Variants in HIGD2A observed in about 807,000 individuals in gnomAD.
HIGD2A encodes HIG1 hypoxia inducible domain family member 2A.
Under a neutral mutation model 6.3 loss-of-function variants are expected in HIGD2A, and 4 were observed. That is an observed-to-expected ratio of 0.64 (90% CI 0.31 to 1.46). HIGD2A has a LOEUF of 1.46. Among genes scored for constraint, HIGD2A ranks in the 40% most tolerant of loss-of-function variants. HIGD2A has a pLI of 0.07. For synonymous variants in HIGD2A, 63 were observed against 59.3 expected, an observed-to-expected ratio of 1.06 and a Z score of -0.29; for missense variants, 143 against 144.8, an observed-to-expected ratio of 0.99 and a Z score of 0.06.
In HIGD2A at chr5:176,389,321, C is replaced by T; in HGVS notation, c.155-10C>T. 1.2e-6 allele frequency: 2 copies of T among 1,610,430 alleles called. No homozygotes were observed. On this transcript the variant is annotated splice_polypyrimidine_tract_variant and intron_variant, in intron 1 of 1. Coordinates refer to ENST00000274787, the MANE Select transcript of HIGD2A (RefSeq NM_138820.4). ...CCTGCTGTTTCCCAGTTGCTTTGTC[C>T]CCTCCTCAGGTTGCCTGGCCACGGC... is the stretch of plus-strand genomic sequence containing the variant.
Position 176,388,785 on chromosome 5 carries a change from G to C in HIGD2A, c.-35G>C. On this transcript the variant is annotated 5_prime_UTR_variant, in exon 1 of 2. Coordinates refer to ENST00000274787, the MANE Select transcript of HIGD2A (RefSeq NM_138820.4). The stretch of plus-strand genomic sequence containing the variant: ...GACCTTCACCGGGAGGCTGAGGTCG[G>C]AGTCCCGATTTTCTCCTGCTGCTGT... 1 of 1,603,312 alleles carries C rather than the reference G, an allele frequency of 6.2e-7. No individual in the cohort carries two copies. Among genetic ancestry groups the C allele is most frequent in the Non-Finnish European group, 8.5e-7 (1 of 1,175,038 alleles).
Position 176,388,779 on chromosome 5 carries a change from A to T in HIGD2A, c.-41A>T, listed in dbSNP as rs200035572. On this transcript the variant is annotated 5_prime_UTR_variant, in exon 1 of 2. Transcript: ENST00000274787. ...TTTCATGACCTTCACCGGGAGGCTG[A>T]GGTCGGAGTCCCGATTTTCTCCTGC... 1.7e-4 allele frequency: 265 copies of T among 1,600,140 alleles called. 2 individuals are homozygous for T. In the African/African-American group the frequency reaches 3.2e-3, roughly 19 times the overall value.
chr5:176,388,783 C>G lies in HIGD2A; in HGVS notation c.-37C>G, dbSNP rs765010863. ...ATGACCTTCACCGGGAGGCTGAGGTCGGAGTCCCGATTTTCTCCTGCTGCT... is the reference window on the plus strand; with the variant it reads ...ATGACCTTCACCGGGAGGCTGAGGTGGGAGTCCCGATTTTCTCCTGCTGCT... On this transcript the variant is annotated 5_prime_UTR_variant, in exon 1 of 2. Coordinates refer to ENST00000274787, the MANE Select transcript of HIGD2A (RefSeq NM_138820.4). 1.9e-6 allele frequency: 3 copies of G among 1,602,274 alleles called. No individual in the cohort carries two copies. Among genetic ancestry groups the G allele is most frequent in the African/African-American group, 2.7e-5 (2 of 74,214 alleles).
At chr5:176,389,187 A>G (rs1188758414) in intron 1 of HIGD2A, 144 bp from the exon 2 acceptor site, 2 of 1,105,358 alleles carry the variant, frequency 1.8e-6, no homozygotes, top group Non-Finnish European at 2.6e-6. Flanking sequence ...CTCTGTAACT[A>G]GGAAGACCTC....
In HIGD2A at chr5:176,388,900, T is replaced by C. The variant is rs769320805; in HGVS notation, c.81T>C (p.Thr27=). 2.5e-6 allele frequency: 4 copies of C among 1,614,148 alleles called. No homozygotes were observed. In the Admixed American group the frequency reaches 6.7e-5, roughly 27 times the overall value. ...KPPVIEGLSP[T]VYRNPESFKE... is the part of the protein sequence containing the mutation. ...CAGTCATTGAGGGGCTGAGCCCCAC[T>C]GTTTACAGGAATCCAGAGAGTTTCA... is the stretch of plus-strand genomic sequence containing the variant. Residue 27 remains threonine (T), a synonymous_variant, in exon 1 of 2, where the codon ACT becomes ACC. Coordinates refer to ENST00000274787, the MANE Select transcript of HIGD2A (RefSeq NM_138820.4).
At position 176,388,807 on chromosome 5, in the gene HIGD2A, C is replaced by CT. The variant is rs1561786348; in HGVS notation, c.-12dup. 6.2e-7 allele frequency: 1 copy of CT among 1,611,328 alleles called. No homozygotes were observed. On this transcript the variant is annotated 5_prime_UTR_variant, in exon 1 of 2. Coordinates refer to ENST00000274787, the MANE Select transcript of HIGD2A (RefSeq NM_138820.4). ...TCGGAGTCCCGATTTTCTCCTGCTG[C>CT]TGTGGCCCGGACATGGCGACTCCCG... is the stretch of plus-strand genomic sequence containing the variant.
Position 176,389,362 on chromosome 5 carries a change from C to CG in HIGD2A, c.188dup (p.Leu64ProfsTer77), listed in dbSNP as rs746966982. ...TGGCCACGGCGGCCGCCCTCACCTA[C>CG]GGCCTCTACTCCTTCCACCGGGGCA... On this transcript the variant is annotated frameshift_variant, in exon 2 of 2. Transcript: ENST00000274787. LOFTEE classifies it high-confidence loss of function. The CG allele has an allele frequency of 1.2e-6, 2 of 1,613,848 alleles. No individual in the cohort carries two copies. Among genetic ancestry groups the CG allele is most frequent in the African/African-American group, 2.7e-5 (2 of 74,918 alleles).
rs1440718808 is a variant in HIGD2A, at chr5:176,388,768, C to G, written c.-52C>G. 7 of 1,593,202 alleles carry G rather than the reference C, an allele frequency of 4.4e-6. No homozygotes were observed. The African/African-American group carries it at 8.1e-5, about 18-fold the overall frequency. ...TTCCCCGCCCCTTTCATGACCTTCA[C>G]CGGGAGGCTGAGGTCGGAGTCCCGA... On this transcript the variant is annotated 5_prime_UTR_variant, in exon 1 of 2. Coordinates refer to ENST00000274787, the MANE Select transcript of HIGD2A (RefSeq NM_138820.4).
Position 176,389,609 on chromosome 5 carries a change from C to A in HIGD2A, c.*112C>A. 8.5e-7 allele frequency: 1 copy of A among 1,171,676 alleles called. No homozygotes were observed. Among genetic ancestry groups the A allele is most frequent in the South Asian group, 1.6e-5 (1 of 62,132 alleles). The allele number at this position is 1,171,676 out of a possible 1,614,324, so 72.6% of individuals were successfully genotyped here. On this transcript the variant is annotated 3_prime_UTR_variant, in exon 2 of 2. Coordinates refer to ENST00000274787, the MANE Select transcript of HIGD2A (RefSeq NM_138820.4). ...CCTCTCCTTTGAGAGGCCCATGTGTCGCTGGGGAGGAAGTGACCCTTTGTG... is the reference window on the plus strand; with the variant it reads ...CCTCTCCTTTGAGAGGCCCATGTGTAGCTGGGGAGGAAGTGACCCTTTGTG...
Position 176,389,613 on chromosome 5 carries a change from G to T in HIGD2A, c.*116G>T, listed in dbSNP as rs1274249316. 3 of 1,143,316 alleles carry T rather than the reference G, an allele frequency of 2.6e-6. No individual in the cohort carries two copies. Among genetic ancestry groups the T allele is most frequent in the Admixed American group, 5.8e-5 (2 of 34,624 alleles). The allele number at this position is 1,143,316 out of a possible 1,614,324, so 70.8% of individuals were successfully genotyped here. A position where few individuals can be genotyped will look rare whatever the true frequency, so the allele number is the denominator to read the frequency against. On this transcript the variant is annotated 3_prime_UTR_variant, in exon 2 of 2. Transcript: ENST00000274787. ...TCCTTTGAGAGGCCCATGTGTCGCT[G>T]GGGAGGAAGTGACCCTTTGTGTAAC... is the stretch of plus-strand genomic sequence containing the variant.
Position 176,389,639 on chromosome 5 carries a change from T to A in HIGD2A, c.*142T>A. 2.2e-6 allele frequency: 2 copies of A among 897,230 alleles called. No homozygotes were observed. Among genetic ancestry groups the A allele is most frequent in the Non-Finnish European group, 3.3e-6 (2 of 610,954 alleles). The allele number at this position is 897,230 out of a possible 1,614,324, so 55.6% of individuals were successfully genotyped here. On this transcript the variant is annotated 3_prime_UTR_variant, in exon 2 of 2. Coordinates refer to ENST00000274787, the MANE Select transcript of HIGD2A (RefSeq NM_138820.4). Reference sequence around the variant, plus strand: ...GGGAGGAAGTGACCCTTTGTGTAACTGTAACCGAAAGTTTTTTCAAAAATC... The same window carrying A: ...GGGAGGAAGTGACCCTTTGTGTAACAGTAACCGAAAGTTTTTTCAAAAATC...
rs1000459344 is a variant in HIGD2A, at chr5:176,389,670, T to C, written c.*173T>C. On this transcript the variant is annotated 3_prime_UTR_variant, in exon 2 of 2. Transcript: ENST00000274787. ...CGAAAGTTTTTTCAAAAATCCTAGA[T>C]GCTGTTGTTTGAATGTTACATACTT... The C allele has an allele frequency of 1.7e-6, 1 of 597,056 alleles. No homozygotes were observed. The highest frequency in any genetic ancestry group is 2.8e-6 in the Non-Finnish European group (1 of 351,640). 37.0% of individuals were successfully genotyped at this position (597,056 alleles called of 1,614,324 possible).
chr5:176,389,195 C>T (rs1581415236), intron 1 of HIGD2A, 136 bp from the exon 2 acceptor site: 3 of 1,161,658 alleles, frequency 2.6e-6, no homozygotes, highest in Admixed American at 2.2e-5. Flanking sequence ...CTAGGAAGAC[C>T]TCGACTCGAC....
rs371189037 is a variant in HIGD2A, at chr5:176,389,287, G to A, written c.155-44G>A. ...AGACCCAAAGCGGGGAATGACCTGC[G>A]GGGCCCGACCTGCTGTTTCCCAGTT... On this transcript the variant is annotated intron_variant, in intron 1 of 1. Coordinates refer to ENST00000274787, the MANE Select transcript of HIGD2A (RefSeq NM_138820.4). 3.8e-6 allele frequency: 6 copies of A among 1,580,922 alleles called. No homozygotes were observed. In the African/African-American group the frequency reaches 8.1e-5, roughly 21 times the overall value.
chr5:176,389,522 CCG>C lies in HIGD2A; in HGVS notation c.*27_*28del. 6.3e-7 allele frequency: 1 copy of C among 1,591,172 alleles called. No individual in the cohort carries two copies. Among genetic ancestry groups the C allele is most frequent in the South Asian group, 1.1e-5 (1 of 88,498 alleles). Reference sequence around the variant, plus strand: ...AGCCCAGGGTCTGGCCTTGAAAGCTCCGCAGAAATGATTCCAAAACCCAGGGA... The same window carrying C: ...AGCCCAGGGTCTGGCCTTGAAAGCTCCAGAAATGATTCCAAAACCCAGGGA... On this transcript the variant is annotated 3_prime_UTR_variant, in exon 2 of 2. Transcript: ENST00000274787.
At chr5:176,389,188 G>A in intron 1 of HIGD2A, 143 bp from the exon 2 acceptor site, 1 of 1,111,214 alleles carries the variant, frequency 9.0e-7, no homozygotes, top group Non-Finnish European at 1.3e-6. Flanking sequence ...TCTGTAACTA[G>A]GAAGACCTCG....
Position 176,388,870 on chromosome 5 carries a change from G to A in HIGD2A, c.51G>A (p.Lys17=). The change falls in exon 1 of 2, where the codon AAG becomes AAA. Residue 17 remains lysine (K), a synonymous_variant. Transcript: ENST00000274787. The part of the protein sequence containing the change: ...VIPEVPFEPS[K]PPVIEGLSPT... ...CGGAGGTCCCCTTTGAACCATCGAA[G>A]CCTCCAGTCATTGAGGGGCTGAGCC... 6.2e-7 allele frequency: 1 copy of A among 1,614,170 alleles called. No homozygotes were observed. The highest frequency in any genetic ancestry group is 1.3e-5 in the African/African-American group (1 of 75,038).
Position 176,389,343 on chromosome 5 carries a change from C to G in HIGD2A, c.167C>G (p.Thr56Arg). Reference sequence around the variant, plus strand: ...GTCCCCTCCTCAGGTTGCCTGGCCACGGCGGCCGCCCTCACCTACGGCCTC... The same window carrying G: ...GTCCCCTCCTCAGGTTGCCTGGCCAGGGCGGCCGCCCTCACCTACGGCCTC... ...NPVVPIGCLATAAALTYGLYS... is the reference protein window; with the variant it reads ...NPVVPIGCLARAAALTYGLYS... The change falls in exon 2 of 2, where the codon ACG (threonine) becomes AGG (arginine). Residue 56 changes from threonine (T) to arginine (R), a missense_variant. Physicochemically the swap from Thr to Arg is moderately conservative, Grantham distance 71 (BLOSUM62 -1). Coordinates refer to ENST00000274787, the MANE Select transcript of HIGD2A (RefSeq NM_138820.4). 1 of 1,613,230 alleles carries G rather than the reference C, an allele frequency of 6.2e-7. No individual in the cohort carries two copies. The highest frequency in any genetic ancestry group is 1.1e-5 in the South Asian group (1 of 91,006).
At position 176,388,988 on chromosome 5, in the gene HIGD2A, T is replaced by A; in HGVS notation, c.154+15T>A. On this transcript the variant is annotated intron_variant, in intron 1 of 1. Transcript: ENST00000274787. ...GGTACCCATAGGTAAGTGGGTGCGG[T>A]AGGAACTGCACAAGGAGAGGACAGT... 6.2e-7 allele frequency: 1 copy of A among 1,612,920 alleles called. No homozygotes were observed. Among genetic ancestry groups the A allele is most frequent in the Non-Finnish European group, 8.5e-7 (1 of 1,179,734 alleles).
Sources: allele counts gnomAD v4.1 joint callset, GRCh38; gene constraint gnomAD v4.1.1; transcripts MANE v1.5; gene names NCBI Gene and HGNC (gene_info 2026-07-23, HGNC 2026-07-21).